Variants in GALNT13 observed in about 807,000 individuals in gnomAD.
GALNT13 encodes polypeptide N-acetylgalactosaminyltransferase 13, also known as UDP-GalNAc:polypeptide N-acetylgalactosaminyltransferase 13.
A neutral mutation model predicts 64.2 loss-of-function variants in GALNT13; 28 were observed. That is an observed-to-expected ratio of 0.44 (90% CI 0.32 to 0.60). The LOEUF (loss-of-function observed/expected upper bound fraction) is 0.60. Among genes scored for constraint, GALNT13 ranks in the 20% least tolerant of loss-of-function variants. The probability of loss-of-function intolerance (pLI) is 0.05; values close to 1 mark genes in which losing one functional copy is unlikely to be tolerated. For missense variants in GALNT13, 577 were observed against 669.8 expected, an observed-to-expected ratio of 0.86 and a Z score of 1.53; for synonymous variants, 214 against 224.6, an observed-to-expected ratio of 0.95 and a Z score of 0.42.
At chr2:153,578,306 T>C in the GALNT13 span, among the ~76,000 whole-genome samples, 2 of 152,328 alleles carry the variant, frequency 1.3e-5, no homozygotes, top group East Asian at 3.9e-4. Flanking sequence ...AACCTTAAGC[T>C]TTCTTCTGGT....
the GALNT13 span, among the ~76,000 whole-genome samples, chr2:153,200,367 G>T: frequency 6.6e-6 from 1 of 152,246 alleles, no homozygotes; most frequent in Non-Finnish European, 1.5e-5. Flanking sequence ...TGGTCAGGAA[G>T]TTGGAAGCAG....
the GALNT13 span, among the ~76,000 whole-genome samples, chr2:153,157,182 C>G: frequency 6.4e-4 from 98 of 152,244 alleles, no homozygotes; most frequent in African/African-American, 2.2e-3. Flanking sequence ...CAATCCCAAA[C>G]CTTATTTTTA....
At chr2:154,357,002 G>T (rs904533490) in intron 9 of GALNT13, among the ~76,000 whole-genome samples, 2 of 151,828 alleles carry the variant, frequency 1.3e-5, no homozygotes, top group Non-Finnish European at 2.9e-5. Flanking sequence ...CCTGAAGATT[G>T]ATTGAAATGA....
intron 3 of GALNT13, among the ~76,000 whole-genome samples, chr2:154,015,562 C>A (rs1696947285): frequency 6.6e-6 from 1 of 152,192 alleles, no homozygotes; most frequent in Non-Finnish European, 1.5e-5. Context: ...TATCAGTGGA[C>A]AACTTTTCCC....
At chr2:154,373,271 A>G (rs1697802013) in intron 9 of GALNT13, among the ~76,000 whole-genome samples, 1 of 152,158 alleles carries the variant, frequency 6.6e-6, no homozygotes. Flanking sequence ...TAGTTGTGCT[A>G]GTAACCAAAT....
At chr2:154,194,132 A>G (rs1404944620) in intron 4 of GALNT13, among the ~76,000 whole-genome samples, 1 of 152,162 alleles carries the variant, frequency 6.6e-6, no homozygotes, top group Non-Finnish European at 1.5e-5. Flanking sequence ...GGTAAGTCTC[A>G]TCATGTGTTT....
the GALNT13 span, among the ~76,000 whole-genome samples, chr2:153,664,675 A>T: frequency 6.6e-6 from 1 of 152,210 alleles, no homozygotes; most frequent in East Asian, 1.9e-4. Context: ...AAAGACAGGC[A>T]TTAAGAAATT....
At chr2:153,148,917 AGACAGGACTGTGGTAAGTTAAAGATGAT>A in the GALNT13 span, among the ~76,000 whole-genome samples, 1 of 151,866 alleles carries the variant, frequency 6.6e-6, no homozygotes, top group Non-Finnish European at 1.5e-5. Context: ...AAAGCAGAGA[AGACAGGACTGTGGTAAGTTAAAGATGAT>A]GTTTGTGTTT....
chr2:153,485,949 T>G, the GALNT13 span, among the ~76,000 whole-genome samples: 9 of 152,020 alleles, frequency 5.9e-5, no homozygotes, highest in East Asian at 1.4e-3. Context: ...GTTTTTTTGG[T>G]TTTTTTTCCA....
chr2:154,446,363 A>C (rs1701574894), intron 12 of GALNT13: 1 of 368,500 alleles, frequency 2.7e-6, no homozygotes, highest in South Asian at 7.4e-5. Context: ...CCATATTCTC[A>C]GTCTTATCTT....
the GALNT13 span, among the ~76,000 whole-genome samples, chr2:153,433,558 T>A: frequency 6.6e-6 from 1 of 152,186 alleles, no homozygotes; most frequent in African/African-American, 2.4e-5. Flanking sequence ...AACTTCTAAG[T>A]AAAGTTTCAG....
Position 154,357,184 on chromosome 2 carries a change from T to A in GALNT13, c.1157-38807T>A, listed in dbSNP as rs188479028. On this transcript the variant is annotated intron_variant, in intron 9 of 12. Coordinates refer to ENST00000392825, the MANE Select transcript of GALNT13 (RefSeq NM_052917.4). The stretch of plus-strand genomic sequence containing the variant: ...GCATCTACACATTAAAGACATAGAA[T>A]CATTAAAATAATCTCTAAGATCTCT... Among the ~76,000 whole-genome samples, 32 of 152,132 alleles carry A rather than the reference T, an allele frequency of 2.1e-4. No individual in the cohort carries two copies. In the East Asian group the frequency reaches 6.0e-3, roughly 28 times the overall value.
At chr2:154,045,412 T>C (rs1310803217) in intron 3 of GALNT13, among the ~76,000 whole-genome samples, 4 of 152,216 alleles carry the variant, frequency 2.6e-5, no homozygotes, top group Non-Finnish European at 5.9e-5. Flanking sequence ...ATTGTATTCA[T>C]GATTTACTGA....
intron 4 of GALNT13, among the ~76,000 whole-genome samples, chr2:154,231,391 C>T (rs1688906984): frequency 2.6e-5 from 4 of 152,008 alleles, no homozygotes; most frequent in Admixed American, 2.6e-4. Flanking sequence ...AAGCACTCAC[C>T]TTAGAAGAAC....
chr2:153,084,145 T>C, the GALNT13 span, among the ~76,000 whole-genome samples: 116 of 152,338 alleles, frequency 7.6e-4, 1 homozygote, highest in African/African-American at 2.7e-3. Flanking sequence ...TATAGTGTTA[T>C]AGTATAATTT....
At chr2:153,593,778 A>G in the GALNT13 span, among the ~76,000 whole-genome samples, 1 of 152,296 alleles carries the variant, frequency 6.6e-6, no homozygotes, top group South Asian at 2.1e-4. Context: ...TTACATTAAA[A>G]TGTAACATAA....
intron 9 of GALNT13, among the ~76,000 whole-genome samples, chr2:154,351,173 G>A (rs150616802): frequency 7.2e-5 from 11 of 152,182 alleles, no homozygotes; most frequent in African/African-American, 1.2e-4. Flanking sequence ...ATGACTTTGC[G>A]CTTTGGCTGT....
At chr2:153,902,023 T>C (rs1340818660) in intron 2 of GALNT13, among the ~76,000 whole-genome samples, 1 of 152,114 alleles carries the variant, frequency 6.6e-6, no homozygotes, top group African/African-American at 2.4e-5. Flanking sequence ...CATAGTACTA[T>C]CCTTTACATC....
chr2:153,712,416 T>G, the GALNT13 span, among the ~76,000 whole-genome samples: 1 of 152,168 alleles, frequency 6.6e-6, no homozygotes, highest in Non-Finnish European at 1.5e-5. Context: ...CCTAGGTTCT[T>G]ATCAACATTG....
Sources: allele counts gnomAD v4.1 joint callset (sites outside exome capture counted in the v4.1 genomes callset), GRCh38; gene constraint gnomAD v4.1.1; transcripts MANE v1.5; gene names NCBI Gene and HGNC (gene_info 2026-07-23, HGNC 2026-07-21).